Variants in PTPRE observed in about 807,000 individuals in gnomAD.
The protein encoded by PTPRE is protein tyrosine phosphatase receptor type E.
Under a neutral mutation model 102.0 loss-of-function variants are expected in PTPRE, and 51 were observed. The ratio of observed to expected loss-of-function variants is 0.50; its 90% CI spans 0.40 to 0.63. PTPRE has a LOEUF of 0.63. Among genes scored for constraint, PTPRE ranks in the 30% least tolerant of loss-of-function variants. PTPRE has a pLI of 0.00. For synonymous variants in PTPRE, 345 were observed against 348.2 expected (o/e 0.99, Z 0.10); for missense variants, 752 against 915.1 (o/e 0.82, Z 2.30).
chr10:127,957,354 C>A (rs1163419703), intron 1 of PTPRE, among the ~76,000 whole-genome samples: 1 of 152,118 alleles, frequency 6.6e-6, no homozygotes. Flanking sequence ...TTTGTATTGC[C>A]TTCACTCCTT....
At chr10:127,922,657 T>C (rs547788770) in intron 1 of PTPRE, among the ~76,000 whole-genome samples, 131 of 152,356 alleles carry the variant, frequency 8.6e-4, no homozygotes, top group African/African-American at 2.7e-3. Flanking sequence ...CTAGGCCTTC[T>C]TCTAAAGAGT....
At chr10:128,055,317 A>G (rs1848860145) in intron 6 of PTPRE, among the ~76,000 whole-genome samples, 1 of 152,240 alleles carries the variant, frequency 6.6e-6, no homozygotes, top group South Asian at 2.1e-4. Context: ...TGGCGGCTGC[A>G]GGCGGCAGAA....
chr10:127,970,419 A>T (rs886889215), intron 1 of PTPRE, among the ~76,000 whole-genome samples: 1 of 151,932 alleles, frequency 6.6e-6, no homozygotes, highest in Non-Finnish European at 1.5e-5. Flanking sequence ...CCCACCCTCT[A>T]CCCACCCCAG....
At chr10:128,048,491 C>T (rs984386418) in intron 5 of PTPRE, among the ~76,000 whole-genome samples, 1 of 152,182 alleles carries the variant, frequency 6.6e-6, no homozygotes, top group East Asian at 1.9e-4. Context: ...TTTGGGGGAA[C>T]ACACGTGCCG....
At chr10:128,054,057 G>A (rs1004183987) in intron 6 of PTPRE, among the ~76,000 whole-genome samples, 2 of 152,154 alleles carry the variant, frequency 1.3e-5, no homozygotes, top group Admixed American at 1.3e-4. Context: ...ACCACACCTG[G>A]CCTAATTTAT....
chr10:127,948,106 T>G (rs1848754879), intron 1 of PTPRE, among the ~76,000 whole-genome samples: 1 of 152,098 alleles, frequency 6.6e-6, no homozygotes, highest in Non-Finnish European at 1.5e-5. Context: ...GATGCTTAGA[T>G]GTGTGTTGGG....
intron 2 of PTPRE, among the ~76,000 whole-genome samples, chr10:128,032,416 C>T (rs908085727): frequency 1.3e-5 from 2 of 152,242 alleles, no homozygotes; most frequent in Non-Finnish European, 2.9e-5. Context: ...GCTGTGCTCT[C>T]CTCATAGGAT....
At chr10:128,066,322 G>A in intron 11 of PTPRE, 128 bp downstream of exon 11, 1 of 1,460,184 alleles carries the variant, frequency 6.8e-7, no homozygotes, top group South Asian at 1.3e-5. Context: ...CCCTGGCTGA[G>A]AGGGTGCAGT....
chr10:127,968,009 G>GGTGTGT (rs142445895), intron 1 of PTPRE, among the ~76,000 whole-genome samples: 12,977 of 143,116 alleles, frequency 0.091, 802 homozygotes, highest in South Asian at 0.17. Context: ...TTGCTCTATA[G>GGTGTGT]GTGTGTGTGT....
intron 2 of PTPRE, among the ~76,000 whole-genome samples, chr10:128,014,361 A>G (rs1218527108): frequency 6.6e-6 from 1 of 152,158 alleles, no homozygotes; most frequent in East Asian, 1.9e-4. Context: ...TAATGCATGC[A>G]CATTGTTTGG....
intron 1 of PTPRE, among the ~76,000 whole-genome samples, chr10:127,955,514 G>A (rs1233163837): frequency 1.3e-5 from 2 of 152,156 alleles, no homozygotes; most frequent in Non-Finnish European, 2.9e-5. Context: ...GATGCATATA[G>A]TAAGCAAAGA....
At chr10:127,967,031 T>A (rs1589854599) in intron 1 of PTPRE, among the ~76,000 whole-genome samples, 1 of 152,278 alleles carries the variant, frequency 6.6e-6, no homozygotes, top group Middle Eastern at 3.4e-3. Context: ...AAACAAACAC[T>A]TCAAGGGCAA....
At chr10:127,987,254 T>C in intron 2 of PTPRE, 1 of 1,031,660 alleles carries the variant, frequency 9.7e-7, no homozygotes. Context: ...ATTTCCTATA[T>C]AAACTCATGT....
At chr10:127,934,553 G>A (rs1847694146) in intron 1 of PTPRE, 1 of 152,228 alleles carries the variant, frequency 6.6e-6, no homozygotes, top group Non-Finnish European at 1.5e-5. Flanking sequence ...GTCTTTGGGG[G>A]ATGATGGGGC....
At chr10:127,969,624 G>A (rs1277567320) in intron 1 of PTPRE, among the ~76,000 whole-genome samples, 1 of 145,138 alleles carries the variant, frequency 6.9e-6, no homozygotes, top group Non-Finnish European at 1.5e-5. Flanking sequence ...GCTGAGATTG[G>A]GCCACTGCAC....
chr10:127,991,608 G>A (rs1218732931), intron 2 of PTPRE, among the ~76,000 whole-genome samples: 1 of 152,176 alleles, frequency 6.6e-6, no homozygotes, highest in African/African-American at 2.4e-5. Context: ...ATTTTCCAAA[G>A]TTGTGCAATT....
In PTPRE at chr10:128,009,727, G is replaced by C. The variant is rs564758703; in HGVS notation, c.-8+27431G>C. ...ATGCTGAAAAGAATTCAGTCATTTA[G>C]GTTTTAAAACTTGGGCTTTCCCAGC... On this transcript the variant is annotated intron_variant, in intron 2 of 20. Coordinates refer to ENST00000254667, the MANE Select transcript of PTPRE (RefSeq NM_006504.6). Among the ~76,000 whole-genome samples the C allele has an allele frequency of 3.5e-4, 54 of 152,330 alleles. No homozygotes were observed. The South Asian group carries it at 0.011, about 30-fold the overall frequency.
intron 1 of PTPRE, among the ~76,000 whole-genome samples, chr10:127,961,854 G>A (rs1037244824): frequency 2.0e-5 from 3 of 152,230 alleles, no homozygotes; most frequent in South Asian, 4.2e-4. Context: ...TAGCCGGGCC[G>A]GGTACCCCTG....
At chr10:128,081,951 G>C (rs1052996366) in intron 20 of PTPRE, among the ~76,000 whole-genome samples, 1 of 152,160 alleles carries the variant, frequency 6.6e-6, no homozygotes, top group Non-Finnish European at 1.5e-5. Flanking sequence ...CAATGTGTTG[G>C]AAAGAAGCAG....
Sources: allele counts gnomAD v4.1 joint callset (sites outside exome capture counted in the v4.1 genomes callset), GRCh38; gene constraint gnomAD v4.1.1; transcripts MANE v1.5; gene names NCBI Gene and HGNC (gene_info 2026-07-23, HGNC 2026-07-21).